Variants in ZBTB24 observed in about 807,000 individuals in gnomAD.
ZBTB24 encodes zinc finger and BTB domain containing 24.
Under a neutral mutation model 53.8 loss-of-function variants are expected in ZBTB24, and 32 were observed. The ratio of observed to expected loss-of-function variants is 0.60; its 90% confidence interval spans 0.45 to 0.80. ZBTB24 has a LOEUF of 0.80. Ranked by LOEUF, ZBTB24 falls within the 30% of genes least tolerant of loss-of-function variation. The probability of loss-of-function intolerance (pLI) is 0.00; values close to 1 mark genes in which losing one functional copy is unlikely to be tolerated. For missense variants in ZBTB24, 722 were observed against 837.1 expected, an observed-to-expected ratio of 0.86 and a Z score of 1.70; for synonymous variants, 297 against 306.7, an observed-to-expected ratio of 0.97 and a Z score of 0.33.
At position 109,483,172 on chromosome 6, in the gene ZBTB24, G is replaced by C. The variant is rs953588593; in HGVS notation, c.-103C>G. 1 of 152,058 alleles carries C rather than the reference G, an allele frequency of 6.6e-6. No individual in the cohort carries two copies. The highest frequency in any genetic ancestry group is 1.5e-5 in the Non-Finnish European group (1 of 68,062). 9.4% of individuals were successfully genotyped at this position (152,058 alleles called of 1,614,324 possible). A position where few individuals can be genotyped will look rare whatever the true frequency, so the allele number is the denominator to read the frequency against. On this transcript the variant is annotated 5_prime_UTR_variant, in exon 1 of 7. Coordinates refer to ENST00000230122, the MANE Select transcript of ZBTB24 (RefSeq NM_014797.3). The stretch of plus-strand genomic sequence containing the variant: ...CGCCCCGCCCGCCTCTGGGGCTTCT[G>C]CGCCGCACCGGTTTCTGCTCCTGCG...
chr6:109,479,847 C>A (rs999443146), intron 2 of ZBTB24, among the ~76,000 whole-genome samples: 1 of 119,460 alleles, frequency 8.4e-6, no homozygotes, highest in East Asian at 2.9e-4. Flanking sequence ...ACTCGGGAGG[C>A]GGAGGTTGCG....
chr6:109,470,457 AG>A (rs1776142633), intron 5 of ZBTB24, among the ~76,000 whole-genome samples: 1 of 152,224 alleles, frequency 6.6e-6, no homozygotes, highest in South Asian at 2.1e-4. Context: ...CACTCCAGAT[AG>A]GATCGATGAG....
In ZBTB24 at chr6:109,481,289, G is replaced by T; in HGVS notation, c.738C>A (p.Gly246=). The T allele has an allele frequency of 6.2e-7, 1 of 1,614,104 alleles. No homozygotes were observed. Among genetic ancestry groups the T allele is most frequent in the South Asian group, 1.1e-5 (1 of 91,076 alleles). The change falls in exon 2 of 7, where the codon GGC becomes GGA. Residue 246 remains glycine, a synonymous_variant. Coordinates refer to ENST00000230122, the MANE Select transcript of ZBTB24 (RefSeq NM_014797.3). ...TGCTGTATCGACTCTGGCTTGCCTG[G>T]CCATCCTCGGTCTTGGGATCATAGT... The part of the protein sequence containing the change: ...DENYDPKTED[G]QASQSRYSKR...
In ZBTB24 at chr6:109,481,123, C is replaced by T. The variant is rs1448560892; in HGVS notation, c.904G>A (p.Val302Ile). The change falls in exon 2 of 7, where the codon GTC becomes ATC. Residue 302 changes from valine (V) to isoleucine (I), a missense_variant. Physicochemically the swap from Val to Ile is conservative, Grantham distance 29. Coordinates refer to ENST00000230122, the MANE Select transcript of ZBTB24 (RefSeq NM_014797.3). Reference sequence around the variant, plus strand: ...GCTAAAAAGTGATTGTACTTAAAGACCTTGCCACAGTCTTTACAGCGGGCC... The same window carrying T: ...GCTAAAAAGTGATTGTACTTAAAGATCTTGCCACAGTCTTTACAGCGGGCC... Reference protein sequence around the residue: ...PEARCKDCGKVFKYNHFLAIH... With the variant: ...PEARCKDCGKIFKYNHFLAIH... 1.2e-6 allele frequency: 2 copies of T among 1,614,236 alleles called. No individual in the cohort carries two copies. The highest frequency in any genetic ancestry group is 1.7e-6 in the Non-Finnish European group (2 of 1,180,046).
At chr6:109,475,029 C>T (rs1332489537) in intron 5 of ZBTB24, among the ~76,000 whole-genome samples, 1 of 131,072 alleles carries the variant, frequency 7.6e-6, no homozygotes, top group East Asian at 2.3e-4. Flanking sequence ...GATGACAGCA[C>T]AAGCCCTTAT....
At chr6:109,474,085 CAAA>C (rs56295486) in intron 5 of ZBTB24, among the ~76,000 whole-genome samples, 28 of 103,556 alleles carry the variant, frequency 2.7e-4, no homozygotes, top group African/African-American at 3.3e-4. Context: ...ACAGTGACTC[CAAA>C]AAAAAAAAAA....
intron 2 of ZBTB24, 84 bp from the exon 3 acceptor site, chr6:109,477,014 A>G: frequency 6.5e-7 from 1 of 1,536,006 alleles, no homozygotes; most frequent in Non-Finnish European, 8.8e-7. Flanking sequence ...ACAATAAAGG[A>G]TTTTTCTTAA....
rs1033341493 is a variant in ZBTB24, at chr6:109,464,887, C to T, written c.*964G>A. 3 of 152,180 alleles carry T rather than the reference C, an allele frequency of 2.0e-5. No homozygotes were observed. Among genetic ancestry groups the T allele is most frequent in the East Asian group, 1.9e-4 (1 of 5,200 alleles). 9.4% of individuals were successfully genotyped at this position (152,180 alleles called of 1,614,324 possible). On this transcript the variant is annotated 3_prime_UTR_variant, in exon 7 of 7. Coordinates refer to ENST00000230122, the MANE Select transcript of ZBTB24 (RefSeq NM_014797.3). ...ATAAAAATGAATTATAAGCTTCCAT[C>T]TCCAGAAAGTTATCAGACACAACAC...
At chr6:109,479,715 G>C (rs1776357248) in intron 2 of ZBTB24, among the ~76,000 whole-genome samples, 2 of 152,148 alleles carry the variant, frequency 1.3e-5, no homozygotes, top group Non-Finnish European at 2.9e-5. Flanking sequence ...AGGAGTTTGA[G>C]ACCAGCCTGA....
chr6:109,467,528 A>C, intron 6 of ZBTB24, 125 bp downstream of exon 6: 1 of 1,565,038 alleles, frequency 6.4e-7, no homozygotes, highest in South Asian at 1.2e-5. Context: ...CCAAAGTAAT[A>C]AACTGCACAC....
At chr6:109,473,944 C>G (rs947061609) in intron 5 of ZBTB24, among the ~76,000 whole-genome samples, 10 of 151,776 alleles carry the variant, frequency 6.6e-5, no homozygotes, top group African/African-American at 2.4e-4. Context: ...CAAAAATTAG[C>G]CAGGCGTGGT....
intron 1 of ZBTB24, among the ~76,000 whole-genome samples, chr6:109,482,587 G>C (rs1776450749): frequency 6.6e-6 from 1 of 151,314 alleles, no homozygotes. Context: ...CCGCCTCCCA[G>C]GTTCAAGCAA....
Position 109,465,830 on chromosome 6 carries a change from G to A in ZBTB24, c.*21C>T. ...TGGCTTATAAGAAGAGCCCAATCAA[G>A]CAGTCAAACGTGTTTACAGGTCAGC... On this transcript the variant is annotated 3_prime_UTR_variant, in exon 7 of 7. Transcript: ENST00000230122. 6.2e-7 allele frequency: 1 copy of A among 1,614,160 alleles called. No homozygotes were observed. Among genetic ancestry groups the A allele is most frequent in the South Asian group, 1.1e-5 (1 of 91,086 alleles).
chr6:109,480,944 T>A (rs1487537545), intron 2 of ZBTB24, 131 bp downstream of exon 2: 1 of 1,510,644 alleles, frequency 6.6e-7, no homozygotes, highest in South Asian at 1.4e-5. Flanking sequence ...GAAAATTAAC[T>A]GCAATAACAT....
chr6:109,466,991 T>C (rs1160128913), intron 6 of ZBTB24, among the ~76,000 whole-genome samples: 1 of 152,242 alleles, frequency 6.6e-6, no homozygotes, highest in African/African-American at 2.4e-5. Flanking sequence ...AAGCATCCTC[T>C]AATTATTTGT....
intron 2 of ZBTB24, among the ~76,000 whole-genome samples, chr6:109,479,257 A>C (rs1776345483): frequency 6.6e-6 from 1 of 152,226 alleles, no homozygotes; most frequent in Non-Finnish European, 1.5e-5. Flanking sequence ...TTCCTGACTT[A>C]TGATGGGACT....
rs1336361256 is a variant in ZBTB24 at position 109,465,586 on chromosome 6, A to G, written c.*265T>C. 11 of 1,456,940 alleles carry G rather than the reference A, an allele frequency of 7.6e-6. No homozygotes were observed. In the East Asian group the frequency reaches 2.2e-4, roughly 29 times the overall value. The allele number at this position is 1,456,940 out of a possible 1,614,324, so 90.3% of individuals were successfully genotyped here. A position where few individuals can be genotyped will look rare whatever the true frequency, so the allele number is the denominator to read the frequency against. On this transcript the variant is annotated 3_prime_UTR_variant, in exon 7 of 7. Coordinates refer to ENST00000230122, the MANE Select transcript of ZBTB24 (RefSeq NM_014797.3). ...AGATCAATGCCCCCAAAGAAAAACT[A>G]CCCGAGTCTTTATGAGACATTGCAG...
chr6:109,469,832 T>C (rs1416691086), intron 5 of ZBTB24, among the ~76,000 whole-genome samples: 1 of 152,072 alleles, frequency 6.6e-6, no homozygotes, highest in Non-Finnish European at 1.5e-5. Context: ...TGGGCCAGGG[T>C]ACTAGTCTAA....
Position 109,466,304 on chromosome 6 carries a change from C to A in ZBTB24, c.1641G>T (p.Ser547=). 1.2e-6 allele frequency: 2 copies of A among 1,614,126 alleles called. No homozygotes were observed. Among genetic ancestry groups the A allele is most frequent in the Non-Finnish European group, 1.7e-6 (2 of 1,180,046 alleles). ...CGAGAAGCTGAATTTCCTGCTCTCCCGAGGTAGAGAGTTGATATGGCTGTA... is the reference window on the plus strand; with the variant it reads ...CGAGAAGCTGAATTTCCTGCTCTCCAGAGGTAGAGAGTTGATATGGCTGTA... ...LQLQPYQLST[S]GEQEIQLLVT... Residue 547 remains serine (S), a synonymous_variant, in exon 7 of 7, where the codon TCG becomes TCT. Transcript: ENST00000230122.
Sources: allele counts gnomAD v4.1 joint callset (sites outside exome capture counted in the v4.1 genomes callset), GRCh38; gene constraint gnomAD v4.1.1; transcripts MANE v1.5; gene names NCBI Gene and HGNC (gene_info 2026-07-23, HGNC 2026-07-21).